PARD3B: variants seen among roughly 807,000 people sequenced by gnomAD.
The protein encoded by PARD3B is partitioning defective 3 homolog B.
In PARD3B, 103 loss-of-function variants were observed where a neutral mutation model predicts 130.2. The observed-to-expected ratio is 0.79, with a 90% CI of 0.67 to 0.93. PARD3B has a LOEUF of 0.93. Among genes scored for constraint, PARD3B ranks in the 40% least tolerant of loss-of-function variants. The probability of loss-of-function intolerance (pLI) is 0.00; values close to 1 mark genes in which losing one functional copy is unlikely to be tolerated. For missense variants in PARD3B, 1,609 were observed against 1,499.2 expected, an observed-to-expected ratio of 1.07 and a Z score of -1.21; for synonymous variants, 583 against 553.2, an observed-to-expected ratio of 1.05 and a Z score of -0.76.
intron 15 of PARD3B, among the ~76,000 whole-genome samples, chr2:205,207,558 T>C (rs555887533): frequency 1.4e-5 from 2 of 141,638 alleles, no homozygotes; most frequent in East Asian, 4.0e-4. Flanking sequence ...CCCACAGAAA[T>C]ACAAACTACC....
At chr2:205,126,417 GATAA>G (rs1449934115) in intron 10 of PARD3B, among the ~76,000 whole-genome samples, 1 of 152,090 alleles carries the variant, frequency 6.6e-6, no homozygotes, top group East Asian at 1.9e-4. Flanking sequence ...GCATTGGTTA[GATAA>G]ATAACTAGAT....
At chr2:204,962,509 T>G (rs1173029768) in intron 2 of PARD3B, among the ~76,000 whole-genome samples, 2 of 152,124 alleles carry the variant, frequency 1.3e-5, no homozygotes, top group Middle Eastern at 3.2e-3. Context: ...GGAAGGCCAT[T>G]TCCATGCACT....
intron 18 of PARD3B, among the ~76,000 whole-genome samples, chr2:205,365,865 G>A (rs910705328): frequency 1.1e-4 from 17 of 152,178 alleles, no homozygotes; most frequent in East Asian, 5.8e-4. Context: ...TGCCTATATC[G>A]CCACACATGT....
At chr2:205,502,665 A>G (rs540703727) in intron 21 of PARD3B, among the ~76,000 whole-genome samples, 55 of 152,296 alleles carry the variant, frequency 3.6e-4, no homozygotes, top group African/African-American at 1.3e-3. Context: ...AATTACAAAG[A>G]TAAGTTACCT....
At chr2:205,227,776 T>C (rs994780590) in intron 15 of PARD3B, among the ~76,000 whole-genome samples, 27 of 152,174 alleles carry the variant, frequency 1.8e-4, no homozygotes, top group African/African-American at 6.3e-4. Context: ...CATTCCTTCC[T>C]ATCTTACTTT....
At chr2:204,790,743 T>TATTTA (rs1220259315) in intron 2 of PARD3B, among the ~76,000 whole-genome samples, 4 of 152,212 alleles carry the variant, frequency 2.6e-5, no homozygotes, top group Non-Finnish European at 2.9e-5. Flanking sequence ...TCGTATTTCG[T>TATTTA]CTTTGTCAGC....
intron 4 of PARD3B, among the ~76,000 whole-genome samples, chr2:205,083,671 C>A (rs922186944): frequency 2.6e-5 from 4 of 151,128 alleles, no homozygotes; most frequent in African/African-American, 9.7e-5. Context: ...TCAAATGTGG[C>A]TGTATTTTCT....
intron 6 of PARD3B, 33 bp from the exon 7 acceptor site, chr2:205,118,888 G>A: frequency 1.4e-6 from 2 of 1,386,536 alleles, no homozygotes; most frequent in Non-Finnish European, 2.0e-6. Context: ...TTATTATTCA[G>A]TAATTATATT....
chr2:205,226,321 TGA>T (rs1039569375), intron 15 of PARD3B, among the ~76,000 whole-genome samples: 4 of 152,088 alleles, frequency 2.6e-5, no homozygotes, highest in African/African-American at 4.8e-5. Flanking sequence ...ATCACAGGCA[TGA>T]GCCACCACGC....
chr2:204,655,292 C>T (rs2035604394), intron 1 of PARD3B, among the ~76,000 whole-genome samples: 1 of 152,088 alleles, frequency 6.6e-6, no homozygotes, highest in African/African-American at 2.4e-5. Flanking sequence ...GATACTGCTC[C>T]CTAAAGTTAT....
At chr2:205,494,035 C>T (rs890446262) in intron 20 of PARD3B, among the ~76,000 whole-genome samples, 3 of 152,064 alleles carry the variant, frequency 2.0e-5, no homozygotes, top group African/African-American at 7.2e-5. Flanking sequence ...GCTGGGATTA[C>T]AGGCGTGAGC....
intron 2 of PARD3B, among the ~76,000 whole-genome samples, chr2:204,848,528 C>T (rs1001885022): frequency 2.6e-5 from 4 of 152,080 alleles, no homozygotes; most frequent in African/African-American, 9.7e-5. Flanking sequence ...CCTGTAGTTC[C>T]AGCTCCTCTG....
At chr2:205,452,166 T>C (rs1399281359) in intron 20 of PARD3B, among the ~76,000 whole-genome samples, 1 of 152,202 alleles carries the variant, frequency 6.6e-6, no homozygotes, top group East Asian at 1.9e-4. Flanking sequence ...GTAGGATAGT[T>C]GATATCTCTT....
At chr2:205,089,155 T>C (rs1483341243) in intron 4 of PARD3B, among the ~76,000 whole-genome samples, 2 of 149,878 alleles carry the variant, frequency 1.3e-5, no homozygotes, top group Non-Finnish European at 3.0e-5. Flanking sequence ...TCTTTTTTTT[T>C]TTTCTTTTTT....
chr2:205,485,634 C>G (rs973040537), intron 20 of PARD3B, among the ~76,000 whole-genome samples: 2 of 152,166 alleles, frequency 1.3e-5, no homozygotes, highest in African/African-American at 4.8e-5. Context: ...GCCCTACTTG[C>G]AATTCTTCAG....
intron 22 of PARD3B, among the ~76,000 whole-genome samples, chr2:205,599,504 G>A (rs2054699565): frequency 6.6e-6 from 1 of 152,198 alleles, no homozygotes; most frequent in South Asian, 2.1e-4. Flanking sequence ...AGACCAGACA[G>A]CAAGGAAAAA....
chr2:205,113,916 T>G (rs1333088266), intron 6 of PARD3B, among the ~76,000 whole-genome samples: 1 of 152,130 alleles, frequency 6.6e-6, no homozygotes, highest in Non-Finnish European at 1.5e-5. Context: ...TTTTTAATAT[T>G]CCAGAATATA....
At chr2:204,598,006 C>G (rs1415322180) in intron 1 of PARD3B, among the ~76,000 whole-genome samples, 1 of 152,076 alleles carries the variant, frequency 6.6e-6, no homozygotes. Context: ...TGTGTAAGAG[C>G]ATTTTGGAAA....
intron 20 of PARD3B, among the ~76,000 whole-genome samples, chr2:205,453,455 C>T (rs1169088991): frequency 2.0e-5 from 3 of 152,124 alleles, no homozygotes; most frequent in Non-Finnish European, 4.4e-5. Flanking sequence ...CAATGGGGAA[C>T]GCTTAAAGTA....
Sources: allele counts gnomAD v4.1 joint callset (sites outside exome capture counted in the v4.1 genomes callset), GRCh38; gene constraint gnomAD v4.1.1; transcripts MANE v1.5; gene names NCBI Gene and HGNC (gene_info 2026-07-23, HGNC 2026-07-21).